The following CAMK1D variants were observed in gnomAD, a reference collection of about 807,000 sequenced individuals.
The protein encoded by CAMK1D is calcium/calmodulin-dependent protein kinase type 1D.
In CAMK1D, 9 loss-of-function variants were observed where a neutral mutation model predicts 47.7. The ratio of observed to expected loss-of-function variants is 0.19; its 90% CI spans 0.11 to 0.33. CAMK1D has a LOEUF of 0.33. CAMK1D is among the 10% of genes least tolerant of loss of function. CAMK1D has a pLI of 1.00. For missense variants in CAMK1D, 291 were observed against 488.7 expected (o/e 0.60, Z 3.81); for synonymous variants, 184 against 184.9 (o/e 0.99, Z 0.04).
chr10:12,828,086 G>T (rs1175986069), intron 10 of CAMK1D, among the ~76,000 whole-genome samples: 2 of 152,192 alleles, frequency 1.3e-5, no homozygotes, highest in Non-Finnish European at 2.9e-5. Flanking sequence ...TAAAATACCT[G>T]CTTTACAGAG....
intron 1 of CAMK1D, among the ~76,000 whole-genome samples, chr10:12,439,148 C>T (rs1832713736): frequency 6.6e-6 from 1 of 152,240 alleles, no homozygotes; most frequent in Admixed American, 6.5e-5. Context: ...ATTGCGCAGG[C>T]TGTCTGAGGA....
intron 3 of CAMK1D, among the ~76,000 whole-genome samples, chr10:12,737,573 C>A (rs1470863224): frequency 6.6e-6 from 1 of 152,160 alleles, no homozygotes; most frequent in Non-Finnish European, 1.5e-5. Context: ...CCAGCTGAAA[C>A]CTTCCTTGGC....
chr10:12,500,449 G>A (rs961558537), intron 1 of CAMK1D, among the ~76,000 whole-genome samples: 1 of 152,150 alleles, frequency 6.6e-6, no homozygotes, highest in Non-Finnish European at 1.5e-5. Flanking sequence ...ATCTGCTCTG[G>A]TGGTGTCAGG....
chr10:12,573,955 T>C (rs1837411586), intron 2 of CAMK1D, among the ~76,000 whole-genome samples: 3 of 146,778 alleles, frequency 2.0e-5, no homozygotes, highest in Admixed American at 1.4e-4. Context: ...GGATCGCAGG[T>C]GTGAGCCACT....
intron 1 of CAMK1D, among the ~76,000 whole-genome samples, chr10:12,351,448 ATGGCCTTTGC>A (rs1837352837): frequency 6.6e-6 from 1 of 152,208 alleles, no homozygotes; most frequent in African/African-American, 2.4e-5. Context: ...ACAAGAAAGC[ATGGCCTTTGC>A]TTGTCATCCA....
chr10:12,816,374 C>CG, intron 8 of CAMK1D, 46 bp downstream of exon 8: 2 of 1,488,790 alleles, frequency 1.3e-6, no homozygotes, highest in Non-Finnish European at 1.9e-6. Flanking sequence ...TTAATGCCAT[C>CG]TGGGGGGGGC....
chr10:12,360,489 A>G (rs1159884389), intron 1 of CAMK1D, among the ~76,000 whole-genome samples: 1 of 152,224 alleles, frequency 6.6e-6, no homozygotes, highest in Non-Finnish European at 1.5e-5. Context: ...TTTATGGGCT[A>G]ATACTTCCTT....
In CAMK1D at chr10:12,724,913, G is replaced by A. The variant is rs948381055; in HGVS notation, c.300-36035G>A. ...CCAAAAAAAAAAAAGTGATCTCTCCGTGTCTCAGCGTCTGCCACCTGAGAT... is the reference window on the plus strand; with the variant it reads ...CCAAAAAAAAAAAAGTGATCTCTCCATGTCTCAGCGTCTGCCACCTGAGAT... On this transcript the variant is annotated intron_variant, in intron 3 of 10. Transcript: ENST00000619168. Among the ~76,000 whole-genome samples, 39 of 151,574 alleles carry A rather than the reference G, an allele frequency of 2.6e-4. 1 individual carries two copies. The highest frequency in any genetic ancestry group is 2.6e-3 in the Admixed American group (39 of 15,200).
intron 1 of CAMK1D, among the ~76,000 whole-genome samples, chr10:12,416,336 T>C (rs1839850354): frequency 6.6e-6 from 1 of 152,230 alleles, no homozygotes; most frequent in African/African-American, 2.4e-5. Flanking sequence ...TGAGATTTTG[T>C]ATTATTAATA....
At chr10:12,361,937 G>C (rs921353935) in intron 1 of CAMK1D, among the ~76,000 whole-genome samples, 4 of 151,964 alleles carry the variant, frequency 2.6e-5, no homozygotes, top group African/African-American at 9.7e-5. Flanking sequence ...CTAAGTTTGG[G>C]GTTCCGTCTC....
At chr10:12,774,671 G>A (rs376303557) in intron 5 of CAMK1D, among the ~76,000 whole-genome samples, 6 of 152,186 alleles carry the variant, frequency 3.9e-5, no homozygotes, top group African/African-American at 9.7e-5. Flanking sequence ...GTTAGGAAGC[G>A]AGCTGCACAG....
intron 6 of CAMK1D, 151 bp downstream of exon 6, chr10:12,791,384 T>A (rs1426797037): frequency 1.6e-5 from 10 of 641,386 alleles, no homozygotes; most frequent in Non-Finnish European, 2.5e-5. Context: ...TGGCATTAAG[T>A]CCATTCACAG....
chr10:12,663,289 T>C (rs569229981), intron 2 of CAMK1D, among the ~76,000 whole-genome samples: 2 of 152,308 alleles, frequency 1.3e-5, no homozygotes, highest in South Asian at 4.2e-4. Context: ...ACCGTATTCA[T>C]GATACTGTAT....
At chr10:12,671,363 A>G (rs1840611812) in intron 3 of CAMK1D, among the ~76,000 whole-genome samples, 2 of 149,158 alleles carry the variant, frequency 1.3e-5, no homozygotes, top group South Asian at 2.1e-4. Context: ...TTTTTTTAAC[A>G]TTTTGAGAAC....
intron 5 of CAMK1D, among the ~76,000 whole-genome samples, chr10:12,784,198 A>AT (rs71386119): frequency 0.34 from 46,222 of 135,736 alleles, 8,228 homozygotes; most frequent in Admixed American, 0.39. Flanking sequence ...GAGAAAAGGT[A>AT]TTTTTTTTTT....
intron 1 of CAMK1D, among the ~76,000 whole-genome samples, chr10:12,486,531 G>GCACA (rs3995703): frequency 0.28 from 41,537 of 146,962 alleles, 6,230 homozygotes; most frequent in Non-Finnish European, 0.36. Flanking sequence ...GTGTGCGCGT[G>GCACA]CACACACACA....
chr10:12,477,070 T>C (rs569879588), intron 1 of CAMK1D, among the ~76,000 whole-genome samples: 1 of 152,216 alleles, frequency 6.6e-6, no homozygotes, highest in South Asian at 2.1e-4. Flanking sequence ...TATGGAGTCA[T>C]CGCCAATGCC....
At chr10:12,752,768 G>C (rs1836047615) in intron 3 of CAMK1D, among the ~76,000 whole-genome samples, 3 of 152,104 alleles carry the variant, frequency 2.0e-5, no homozygotes, top group Admixed American at 1.3e-4. Context: ...TAGAGTCACT[G>C]ACCCAAGAGA....
At position 12,739,292 on chromosome 10, in the gene CAMK1D, G is replaced by A. The variant is rs1300102171; in HGVS notation, c.300-21656G>A. 3.3e-5 allele frequency among the ~76,000 whole-genome samples: 5 copies of A among 151,880 alleles called. No homozygotes were observed. The East Asian group carries it at 5.8e-4, about 18-fold the overall frequency. On this transcript the variant is annotated intron_variant, in intron 3 of 10. Transcript: ENST00000619168. ...GATAGATACGTTCCCCTCTCCCCCCGAGACAGAGTCTTGCTCTGTTGCTCA... is the reference window on the plus strand; with the variant it reads ...GATAGATACGTTCCCCTCTCCCCCCAAGACAGAGTCTTGCTCTGTTGCTCA...
Sources: allele counts gnomAD v4.1 joint callset (sites outside exome capture counted in the v4.1 genomes callset), GRCh38; gene constraint gnomAD v4.1.1; transcripts MANE v1.5; gene names NCBI Gene and HGNC (gene_info 2026-07-23, HGNC 2026-07-21).